SMPD4: variants seen among roughly 807,000 people sequenced by gnomAD.
The protein encoded by SMPD4 is sphingomyelin phosphodiesterase 4, also known as neutral sphingomyelinase 3.
A neutral mutation model predicts 97.8 loss-of-function variants in SMPD4; 58 were observed. The ratio of observed to expected loss-of-function variants is 0.59; its 90% CI spans 0.48 to 0.74. The LOEUF (loss-of-function observed/expected upper bound fraction) is 0.74, where lower values mean the gene tolerates loss of function less well. Ranked by LOEUF, SMPD4 falls within the 30% of genes least tolerant of loss-of-function variation. The pLI, the probability that SMPD4 is intolerant of heterozygous loss-of-function variation, is 0.00. For missense variants in SMPD4, 853 were observed against 1,080.5 expected, an observed-to-expected ratio of 0.79 and a Z score of 2.95; for synonymous variants, 388 against 450.0, an observed-to-expected ratio of 0.86 and a Z score of 1.74.
At chr2:130,173,403 G>C in intron 4 of SMPD4, 49 bp from the exon 5 acceptor site, 2 of 1,604,894 alleles carry the variant, frequency 1.2e-6, no homozygotes, top group South Asian at 1.1e-5. Flanking sequence ...AATGAACTGC[G>C]AATTATCTTG....
rs369700397 is a variant in SMPD4 at position 130,153,080 on chromosome 2, C to G, written c.2117G>C (p.Arg706Pro). The part of the protein sequence containing the change: ...IRSYEIASLV[R>P]TLFRLSSAIN... ...GGCAGACGACAGCCTAAAGAGTGTG[C>G]GGACCAAGCTGGCGATCTCATAGCT... Residue 706 changes from arginine to proline, a missense_variant, in exon 19 of 20, where the codon CGC (arginine) becomes CCC (proline). This residue lies in a region of SMPD4 where 511 missense variants were observed against 608.1 expected (regional missense o/e 0.84). Coordinates refer to ENST00000680298, the MANE Select transcript of SMPD4 (RefSeq NM_017951.5). 13 of 1,612,898 alleles carry G rather than the reference C, an allele frequency of 8.1e-6. No homozygotes were observed. The highest frequency in any genetic ancestry group is 9.3e-6 in the Non-Finnish European group (11 of 1,179,988).
At chr2:130,171,703 T>C (rs1188060675) in intron 8 of SMPD4, among the ~76,000 whole-genome samples, 4 of 152,098 alleles carry the variant, frequency 2.6e-5, no homozygotes, top group Non-Finnish European at 4.4e-5. Flanking sequence ...AGATCTGGGG[T>C]GGGCCAGCAT....
chr2:130,171,655 T>C (rs2104894214), intron 8 of SMPD4, among the ~76,000 whole-genome samples: 1 of 152,274 alleles, frequency 6.6e-6, no homozygotes. Flanking sequence ...CACACGTGAA[T>C]TGTAGGTAAA....
chr2:130,170,484 G>A (rs1688350168), intron 8 of SMPD4, among the ~76,000 whole-genome samples: 1 of 98,852 alleles, frequency 1.0e-5, no homozygotes, highest in East Asian at 3.1e-4. Context: ...AGCACACAAT[G>A]GACCAGTGTA....
At chr2:130,181,060 C>T (rs1248574674) in intron 1 of SMPD4, among the ~76,000 whole-genome samples, 1 of 152,178 alleles carries the variant, frequency 6.6e-6, no homozygotes. Flanking sequence ...TTCTGTCATG[C>T]CAAGACCTCC....
chr2:130,157,607 C>CTTG, intron 11 of SMPD4: 1 of 1,018,318 alleles, frequency 9.8e-7, no homozygotes, highest in Admixed American at 2.9e-5. Flanking sequence ...CTGTGACCAG[C>CTTG]TTGTGGTATG....
chr2:130,167,000 C>T (rs74993681), intron 9 of SMPD4, among the ~76,000 whole-genome samples: 13,520 of 124,338 alleles, frequency 0.11, no homozygotes, highest in East Asian at 0.39. Context: ...GGCAGATTTA[C>T]TTTCATGTTT....
rs1184884925 is a variant in SMPD4 at position 130,154,293 on chromosome 2, G to A, written c.1643C>T (p.Pro548Leu). ...ACCACTCACCAGGGTGCGGGCCTCG[G>A]GCCCAAACATCGGGGTGTACTTGCA... ...QDCKYTPMFG[P>L]EARTLVLRLA... The change falls in exon 16 of 20, where the codon CCC (proline) becomes CTC (leucine). Residue 548 changes from proline (P) to leucine (L), a missense_variant. Pro to Leu is a moderately conservative substitution (Grantham distance 98, BLOSUM62 -3). Transcript: ENST00000680298. 1 of 1,606,266 alleles carries A rather than the reference G, an allele frequency of 6.2e-7. No individual in the cohort carries two copies. The highest frequency in any genetic ancestry group is 1.7e-5 in the Admixed American group (1 of 59,824).
chr2:130,180,057 G>A (rs1470760662), intron 1 of SMPD4, among the ~76,000 whole-genome samples: 1 of 143,156 alleles, frequency 7.0e-6, no homozygotes, highest in Non-Finnish European at 1.5e-5. Context: ...TCCGCCTCCC[G>A]GGTTCACGCC....
At chr2:130,172,099 C>T (rs1688525539) in intron 8 of SMPD4, among the ~76,000 whole-genome samples, 2 of 152,216 alleles carry the variant, frequency 1.3e-5, no homozygotes, top group African/African-American at 2.4e-5. Flanking sequence ...AGCCCATTCC[C>T]ATGCAGGCCG....
chr2:130,173,910 C>G (rs1688719387), intron 3 of SMPD4, among the ~76,000 whole-genome samples: 1 of 150,762 alleles, frequency 6.6e-6, no homozygotes, highest in African/African-American at 2.4e-5. Context: ...GTAAGTCAGC[C>G]TCCGATCAAA....
At chr2:130,156,489 A>AT (rs1686814080) in intron 13 of SMPD4, 96 bp downstream of exon 13, 1 of 1,240,494 alleles carries the variant, frequency 8.1e-7, no homozygotes, top group Admixed American at 2.1e-5. Context: ...GGCCTCTGTG[A>AT]TAACACTTGC....
Position 130,179,469 on chromosome 2 carries a change from C to T in SMPD4, c.-46+2061G>A, listed in dbSNP as rs1248355369. On this transcript the variant is annotated intron_variant, in intron 1 of 19. Transcript: ENST00000680298. ...TCTCACTCCATCATCTCACTGCAAC[C>T]TCCACCTCCAAAGTTCAAACGGTTC... 6.6e-5 allele frequency among the ~76,000 whole-genome samples: 10 copies of T among 151,486 alleles called. No individual in the cohort carries two copies. In the East Asian group the frequency reaches 1.6e-3, roughly 24 times the overall value.
In SMPD4 at chr2:130,157,235, C is replaced by A. The variant is rs745654934; in HGVS notation, c.1097+16G>T. ...GGGGGAGACGGCAGTGGTGGGAAGC[C>A]GCAAGGGCCACCCACCGTTTGAACT... is the stretch of plus-strand genomic sequence containing the variant. On this transcript the variant is annotated intron_variant, in intron 12 of 19. Transcript: ENST00000680298. The A allele has an allele frequency of 3.0e-5, 47 of 1,547,498 alleles. No homozygotes were observed. Among genetic ancestry groups the A allele is most frequent in the African/African-American group, 2.9e-4 (21 of 73,328 alleles).
At chr2:130,160,656 T>C (rs1687305161) in intron 11 of SMPD4, among the ~76,000 whole-genome samples, 1 of 148,006 alleles carries the variant, frequency 6.8e-6, no homozygotes, top group Non-Finnish European at 1.5e-5. Context: ...CTGTGGGCTA[T>C]AGGGTCAAGC....
intron 11 of SMPD4, among the ~76,000 whole-genome samples, chr2:130,158,867 T>C (rs1174631182): frequency 2.0e-5 from 3 of 152,152 alleles, no homozygotes; most frequent in Non-Finnish European, 4.4e-5. Context: ...CCTGGTATGC[T>C]GTAGACCCCG....
chr2:130,174,184 C>A (rs1573726504), intron 3 of SMPD4, among the ~76,000 whole-genome samples: 3 of 152,236 alleles, frequency 2.0e-5, no homozygotes, highest in Non-Finnish European at 4.4e-5. Flanking sequence ...CTACACTCAG[C>A]TAATTTTTAA....
chr2:130,156,082 C>A lies in SMPD4; in HGVS notation c.1242G>T (p.Lys414Asn), dbSNP rs200445378. 6 of 1,611,368 alleles carry A rather than the reference C, an allele frequency of 3.7e-6. No individual in the cohort carries two copies. Among genetic ancestry groups the A allele is most frequent in the Non-Finnish European group, 5.1e-6 (6 of 1,179,916 alleles). The change falls in exon 14 of 20, where the codon AAG becomes AAT. Residue 414 changes from lysine (K) to asparagine (N), a missense_variant. By Grantham distance (94) the Lys-to-Asn change is moderately conservative. Coordinates refer to ENST00000680298, the MANE Select transcript of SMPD4 (RefSeq NM_017951.5). Reference sequence around the variant, plus strand: ...GCTGGGAGTCGCTGCCCGGAGCCTGCTTGTCAGGCGCGTACCGCCACGGCT... The same window carrying A: ...GCTGGGAGTCGCTGCCCGGAGCCTGATTGTCAGGCGCGTACCGCCACGGCT... ...YLQPWRYAPDKQAPGSDSQPR... is the reference protein window; with the variant it reads ...YLQPWRYAPDNQAPGSDSQPR...
At chr2:130,169,274 AG>A (rs1415037537) in intron 8 of SMPD4, among the ~76,000 whole-genome samples, 1 of 152,222 alleles carries the variant, frequency 6.6e-6, no homozygotes, top group Non-Finnish European at 1.5e-5. Context: ...GAAGGGGACT[AG>A]AAATATCACT....
Sources: allele counts gnomAD v4.1 joint callset (sites outside exome capture counted in the v4.1 genomes callset), GRCh38; gene constraint gnomAD v4.1.1; regional missense constraint gnomAD v4.1.1; transcripts MANE v1.5; gene names NCBI Gene and HGNC (gene_info 2026-07-23, HGNC 2026-07-21).